Variants in DLGAP1 observed in about 807,000 individuals in gnomAD.
The protein encoded by DLGAP1 is DLG associated protein 1.
In DLGAP1, 11 loss-of-function variants were observed where a neutral mutation model predicts 90.8. The ratio of observed to expected loss-of-function variants is 0.12; its 90% CI spans 0.08 to 0.20. DLGAP1 has a LOEUF of 0.20. Ranked by LOEUF, DLGAP1 falls within the 10% of genes least tolerant of loss-of-function variation. The probability of loss-of-function intolerance (pLI) is 1.00; values close to 1 mark genes in which losing one functional copy is unlikely to be tolerated. For synonymous variants in DLGAP1, 558 were observed against 540.7 expected, an observed-to-expected ratio of 1.03 and a Z score of -0.44; for missense variants, 1,050 against 1,333.8, an observed-to-expected ratio of 0.79 and a Z score of 3.31.
intron 2 of DLGAP1, among the ~76,000 whole-genome samples, chr18:4,144,925 C>T (rs921959756): frequency 2.6e-5 from 4 of 152,188 alleles, no homozygotes; most frequent in African/African-American, 9.7e-5. Context: ...TAAACAAATA[C>T]TCAAATATGT....
chr18:3,874,405 T>G (rs1034351160), intron 4 of DLGAP1: 2 of 1,445,878 alleles, frequency 1.4e-6, no homozygotes, highest in Non-Finnish European at 1.8e-6. Context: ...GGGATTTTTC[T>G]TTTAGGTTAA....
At chr18:3,817,613 G>A (rs3850805) in intron 4 of DLGAP1, among the ~76,000 whole-genome samples, 115,650 of 152,086 alleles carry the variant, frequency 0.76, 44,221 homozygotes, top group African/African-American at 0.83. Context: ...CGATATAATC[G>A]AGTCAGTTTT....
chr18:3,956,557 C>A (rs895021816), intron 3 of DLGAP1, among the ~76,000 whole-genome samples: 1 of 152,124 alleles, frequency 6.6e-6, no homozygotes, highest in African/African-American at 2.4e-5. Flanking sequence ...GCCGTGTTAG[C>A]CAGGATGGTC....
rs1568193162 is a variant in DLGAP1, at chr18:3,822,771, A to G, written c.958-8498T>C. Among the ~76,000 whole-genome samples, 4 of 152,188 alleles carry G rather than the reference A, an allele frequency of 2.6e-5. No homozygotes were observed. In the South Asian group the frequency reaches 8.3e-4, roughly 32 times the overall value. ...GCCATGGGCCTTTGGGGACTAGTAG[A>G]AAATGTTACTGAGGTGCTGGATGAC... On this transcript the variant is annotated intron_variant, in intron 4 of 12. Transcript: ENST00000315677.
intron 1 of DLGAP1, among the ~76,000 whole-genome samples, chr18:4,189,363 A>T (rs1263449895): frequency 2.0e-5 from 3 of 152,180 alleles, no homozygotes; most frequent in African/African-American, 7.2e-5. Flanking sequence ...GCTTAAAAGT[A>T]TAAGTCTTAA....
At chr18:4,307,659 A>C (rs1236151300) in intron 1 of DLGAP1, among the ~76,000 whole-genome samples, 5 of 150,142 alleles carry the variant, frequency 3.3e-5, no homozygotes, top group Non-Finnish European at 7.4e-5. Flanking sequence ...CAGTCTCTGC[A>C]CTCTGCCCCG....
chr18:3,690,108 T>G (rs1321899852), intron 7 of DLGAP1, among the ~76,000 whole-genome samples: 3 of 105,910 alleles, frequency 2.8e-5, no homozygotes, highest in African/African-American at 3.6e-5. Context: ...TTTTTTTTTT[T>G]TTTTTTTTTT....
intron 10 of DLGAP1, among the ~76,000 whole-genome samples, chr18:3,530,239 C>G (rs965171643): frequency 6.6e-6 from 1 of 151,966 alleles, no homozygotes; most frequent in Non-Finnish European, 1.5e-5. Flanking sequence ...GAATCTATCT[C>G]TATAAAATTT....
At position 4,431,921 on chromosome 18, in the gene DLGAP1, C is replaced by T. The variant is rs143697103; in HGVS notation, c.-267+23085G>A. 9.4e-3 allele frequency among the ~76,000 whole-genome samples: 1,433 copies of T among 152,270 alleles called. 13 individuals carry two copies. Among genetic ancestry groups the T allele is most frequent in the Middle Eastern group, 0.017 (5 of 294 alleles). On this transcript the variant is annotated intron_variant, in intron 1 of 12. Coordinates refer to ENST00000315677, the MANE Select transcript of DLGAP1 (RefSeq NM_004746.4). The stretch of plus-strand genomic sequence containing the variant: ...TGCCACTTGCAGTAAAGATGTCAGG[C>T]ACACTGCAATGTTTTAGAACCAGTT...
At chr18:3,752,510 TCTCC>T (rs1046135037) in intron 5 of DLGAP1, among the ~76,000 whole-genome samples, 45 of 140,302 alleles carry the variant, frequency 3.2e-4, no homozygotes, top group African/African-American at 4.5e-4. Flanking sequence ...TCCCTCCCTC[TCTCC>T]CTCCCTCCCT....
intron 1 of DLGAP1, among the ~76,000 whole-genome samples, chr18:4,191,787 C>A (rs963610444): frequency 6.6e-6 from 1 of 152,132 alleles, no homozygotes; most frequent in African/African-American, 2.4e-5. Context: ...TCTCAGGATG[C>A]GGTGCATCCT....
chr18:3,967,107 G>A (rs1005125663), intron 3 of DLGAP1, among the ~76,000 whole-genome samples: 1 of 152,186 alleles, frequency 6.6e-6, no homozygotes, highest in Non-Finnish European at 1.5e-5. Flanking sequence ...AAACTGCTGA[G>A]TGACTAATCT....
At position 3,526,113 on chromosome 18, in the gene DLGAP1, T is replaced by C. The variant is rs1409164570; in HGVS notation, c.2479+8081A>G. ...ACAAAAAGAGACATGCAAGTATGTG[T>C]GTCTGTGTGTGTGGTGGAGTGGGAG... On this transcript the variant is annotated intron_variant, in intron 10 of 12. Coordinates refer to ENST00000315677, the MANE Select transcript of DLGAP1 (RefSeq NM_004746.4). This position sits in a 1 kb window ranked among gnomAD's most constrained non-coding sequence, Gnocchi z 4.7. Among the ~76,000 whole-genome samples, 1 of 152,198 alleles carries C rather than the reference T, an allele frequency of 6.6e-6. No individual in the cohort carries two copies. The highest frequency in any genetic ancestry group is 1.5e-5 in the Non-Finnish European group (1 of 68,028).
chr18:4,207,311 T>C (rs1053967410), intron 1 of DLGAP1, among the ~76,000 whole-genome samples: 2 of 152,054 alleles, frequency 1.3e-5, no homozygotes, highest in African/African-American at 4.8e-5. Flanking sequence ...AAGCCCCTTA[T>C]AAAACCATTA....
intron 3 of DLGAP1, among the ~76,000 whole-genome samples, chr18:3,936,918 C>T (rs747399953): frequency 1.3e-5 from 2 of 152,152 alleles, no homozygotes; most frequent in African/African-American, 4.8e-5. Flanking sequence ...CACACCTGTT[C>T]TGTGTGGGCA....
At chr18:4,271,108 GA>G (rs1325580811) in intron 1 of DLGAP1, among the ~76,000 whole-genome samples, 1 of 152,150 alleles carries the variant, frequency 6.6e-6, no homozygotes, top group African/African-American at 2.4e-5. Context: ...TCTTGACTTA[GA>G]AAGTGGTTGA....
chr18:4,100,604 C>G (rs938179818), intron 2 of DLGAP1, among the ~76,000 whole-genome samples: 1 of 152,196 alleles, frequency 6.6e-6, no homozygotes, highest in African/African-American at 2.4e-5. Context: ...AGCTTTGAAA[C>G]CAGGCATTGA....
chr18:4,389,049 A>G (rs2082290534), intron 1 of DLGAP1, among the ~76,000 whole-genome samples: 1 of 152,198 alleles, frequency 6.6e-6, no homozygotes, highest in Non-Finnish European at 1.5e-5. Flanking sequence ...TTGAAGTGAC[A>G]CTTGTACACC....
chr18:3,760,328 T>C (rs2063908259), intron 5 of DLGAP1, among the ~76,000 whole-genome samples: 1 of 151,998 alleles, frequency 6.6e-6, no homozygotes, highest in Admixed American at 6.5e-5. Context: ...AGTTGAGAGG[T>C]CAGACCTGCC....
Sources: allele counts gnomAD v4.1 joint callset (sites outside exome capture counted in the v4.1 genomes callset), GRCh38; gene constraint gnomAD v4.1.1; non-coding constraint Gnocchi (gnomAD v3.1); transcripts MANE v1.5; gene names NCBI Gene and HGNC (gene_info 2026-07-23, HGNC 2026-07-21).